Variants in KIFAP3 observed in about 807,000 individuals in gnomAD.
The protein encoded by KIFAP3 is kinesin associated protein 3.
In KIFAP3, 68 loss-of-function variants were observed where a neutral mutation model predicts 106.5. That is an observed-to-expected ratio of 0.64 (90% CI 0.53 to 0.78). The LOEUF (loss-of-function observed/expected upper bound fraction) is 0.78. Ranked by LOEUF, KIFAP3 falls within the 30% of genes least tolerant of loss-of-function variation. The pLI, the probability that KIFAP3 is intolerant of heterozygous loss-of-function variation, is 0.00. For missense variants in KIFAP3, 780 were observed against 941.8 expected (o/e 0.83, Z 2.25); for synonymous variants, 320 against 311.5 (o/e 1.03, Z -0.29).
At chr1:170,019,661 A>C (rs1437643974) in intron 9 of KIFAP3, among the ~76,000 whole-genome samples, 1 of 152,188 alleles carries the variant, frequency 6.6e-6, no homozygotes, top group Non-Finnish European at 1.5e-5. Flanking sequence ...AAAAAGTCTC[A>C]GCAAGCAAGA....
intron 16 of KIFAP3, among the ~76,000 whole-genome samples, chr1:169,976,187 G>T (rs1457058282): frequency 1.3e-5 from 2 of 152,124 alleles, no homozygotes; most frequent in African/African-American, 4.8e-5. Flanking sequence ...AAAACCCTAT[G>T]AGATGACCTG....
intron 10 of KIFAP3, among the ~76,000 whole-genome samples, chr1:170,013,291 A>G (rs886422415): frequency 6.6e-5 from 10 of 152,104 alleles, no homozygotes; most frequent in African/African-American, 2.2e-4. Context: ...CCTTAATAAT[A>G]TAAGCCTGGA....
At chr1:169,981,691 T>C (rs1170738473) in intron 15 of KIFAP3, among the ~76,000 whole-genome samples, 1 of 152,196 alleles carries the variant, frequency 6.6e-6, no homozygotes, top group Admixed American at 6.5e-5. Context: ...TTGTGACTAC[T>C]ATATTGGTTG....
At chr1:169,970,755 C>T (rs1245114961) in intron 17 of KIFAP3, among the ~76,000 whole-genome samples, 4 of 152,042 alleles carry the variant, frequency 2.6e-5, no homozygotes, top group Non-Finnish European at 5.9e-5. Context: ...ATTACTAATG[C>T]TAACTGAACA....
intron 1 of KIFAP3, among the ~76,000 whole-genome samples, chr1:170,083,822 A>G (rs1261415074): frequency 6.6e-6 from 1 of 152,214 alleles, no homozygotes; most frequent in African/African-American, 2.4e-5. Context: ...TGGGGGAAAT[A>G]CCCATATTGC....
chr1:170,077,833 C>A (rs539183763), upstream of KIFAP3, among the ~76,000 whole-genome samples: 1 of 151,522 alleles, frequency 6.6e-6, no homozygotes, highest in Admixed American at 6.6e-5. Context: ...AATCTGGTTT[C>A]TTTCATTTAG....
At chr1:170,081,497 A>G (rs1368185127) in intron 1 of KIFAP3, among the ~76,000 whole-genome samples, 1 of 152,212 alleles carries the variant, frequency 6.6e-6, no homozygotes, top group Non-Finnish European at 1.5e-5. Flanking sequence ...AGAGGGCTTT[A>G]CTTTTTTCTG....
intron 17 of KIFAP3, among the ~76,000 whole-genome samples, chr1:169,962,862 C>A (rs915830702): frequency 2.0e-5 from 3 of 152,090 alleles, no homozygotes; most frequent in Non-Finnish European, 4.4e-5. Context: ...TATAGCTGCT[C>A]CCTTTCAACT....
At chr1:170,052,543 A>G (rs931429873) in intron 2 of KIFAP3, among the ~76,000 whole-genome samples, 1 of 152,200 alleles carries the variant, frequency 6.6e-6, no homozygotes, top group Non-Finnish European at 1.5e-5. Flanking sequence ...AACAAAAAAA[A>G]GAAAATTTCA....
rs1163178898 is a variant in KIFAP3 at position 169,982,115 on chromosome 1, T to C, written c.1673-18A>G. 1.9e-6 allele frequency: 3 copies of C among 1,609,176 alleles called. No homozygotes were observed. The highest frequency in any genetic ancestry group is 2.2e-5 in the East Asian group (1 of 44,798). On this transcript the variant is annotated intron_variant, in intron 14 of 19. Transcript: ENST00000361580. ...TGCAGCACCTAGTGAAGTCAAACCA[T>C]AGAAAGTTTTCACTGAAATGTCCTG...
At chr1:169,927,281 CAT>C (rs1208154287) in intron 19 of KIFAP3, among the ~76,000 whole-genome samples, 2 of 152,066 alleles carry the variant, frequency 1.3e-5, no homozygotes, top group Non-Finnish European at 1.5e-5. Context: ...ACAAATACGA[CAT>C]AGTCCTTGAC....
intron 1 of KIFAP3, among the ~76,000 whole-genome samples, chr1:170,069,610 A>G (rs1342645405): frequency 6.6e-6 from 1 of 152,160 alleles, no homozygotes; most frequent in African/African-American, 2.4e-5. Context: ...GACAAAACCC[A>G]ACATCTTTTC....
At chr1:169,959,952 G>A (rs1003085426) in intron 18 of KIFAP3, among the ~76,000 whole-genome samples, 5 of 152,060 alleles carry the variant, frequency 3.3e-5, no homozygotes, top group Admixed American at 1.3e-4. Context: ...GTTCAGTTAG[G>A]AAGAAATCTA....
chr1:170,059,416 T>C (rs955172768), intron 1 of KIFAP3, among the ~76,000 whole-genome samples: 4 of 152,070 alleles, frequency 2.6e-5, no homozygotes, highest in South Asian at 2.1e-4. Flanking sequence ...CTAGAAGAAA[T>C]GGATAAATTC....
chr1:170,011,363 T>C (rs1255692711), intron 10 of KIFAP3, among the ~76,000 whole-genome samples: 2 of 151,834 alleles, frequency 1.3e-5, no homozygotes, highest in Non-Finnish European at 2.9e-5. Flanking sequence ...ATCAAATCAA[T>C]GAGTAGCTAA....
chr1:169,955,465 T>C (rs1044101243), intron 18 of KIFAP3, among the ~76,000 whole-genome samples: 2 of 152,106 alleles, frequency 1.3e-5, no homozygotes, highest in African/African-American at 4.8e-5. Context: ...AAAATTCTAC[T>C]TTGAGTGGAG....
chr1:170,018,618 A>G (rs1668645010), intron 9 of KIFAP3, among the ~76,000 whole-genome samples: 1 of 144,476 alleles, frequency 6.9e-6, no homozygotes, highest in Non-Finnish European at 1.5e-5. Context: ...TAATCAAAGG[A>G]TTTATGATTA....
intron 8 of KIFAP3, among the ~76,000 whole-genome samples, chr1:170,029,342 C>A (rs965439778): frequency 1.3e-5 from 2 of 151,978 alleles, no homozygotes; most frequent in Admixed American, 1.3e-4. Context: ...AGAAAAGCAT[C>A]AACACATGTA....
At chr1:170,008,173 A>G (rs1447631687) in intron 10 of KIFAP3, among the ~76,000 whole-genome samples, 1 of 151,652 alleles carries the variant, frequency 6.6e-6, no homozygotes, top group Non-Finnish European at 1.5e-5. Context: ...ACTCTAGAAC[A>G]ATACCTAGGC....
Sources: allele counts gnomAD v4.1 joint callset (sites outside exome capture counted in the v4.1 genomes callset), GRCh38; gene constraint gnomAD v4.1.1; transcripts MANE v1.5; gene names NCBI Gene and HGNC (gene_info 2026-07-23, HGNC 2026-07-21).